Variants in EZH1 observed in about 807,000 individuals in gnomAD.
The protein encoded by EZH1 is histone-lysine N-methyltransferase EZH1.
A neutral mutation model predicts 100.5 loss-of-function variants in EZH1; 33 were observed. The ratio of observed to expected loss-of-function variants is 0.33; its 90% CI spans 0.25 to 0.44. The LOEUF (loss-of-function observed/expected upper bound fraction) is 0.44, where lower values mean the gene tolerates loss of function less well. Ranked by LOEUF, EZH1 falls within the 20% of genes least tolerant of loss-of-function variation. The pLI, the probability that EZH1 is intolerant of heterozygous loss-of-function variation, is 1.00. For synonymous variants in EZH1, 272 were observed against 313.8 expected (o/e 0.87, Z 1.41); for missense variants, 475 against 928.4 (o/e 0.51, Z 6.35).
At chr17:42,712,642 C>G (rs1260402555) in intron 11 of EZH1, among the ~76,000 whole-genome samples, 157 bp from the exon 12 acceptor site, 2 of 152,202 alleles carry the variant, frequency 1.3e-5, no homozygotes, top group East Asian at 3.8e-4. Context: ...GTGGCTCACG[C>G]CTGTAATCCC....
chr17:42,731,947 C>G (rs1267513193), intron 1 of EZH1: 3 of 151,934 alleles, frequency 2.0e-5, no homozygotes, highest in African/African-American at 7.3e-5. Context: ...CTATGAAGAG[C>G]CAAAATTTGA....
chr17:42,717,424 T>C (rs1407761065), intron 10 of EZH1, among the ~76,000 whole-genome samples: 2 of 152,232 alleles, frequency 1.3e-5, no homozygotes, highest in African/African-American at 4.8e-5. Context: ...TCGCCTAGGC[T>C]CATCCTATTG....
intron 3 of EZH1, among the ~76,000 whole-genome samples, chr17:42,728,175 G>A (rs909857015): frequency 6.9e-5 from 10 of 145,514 alleles, no homozygotes; most frequent in Non-Finnish European, 1.3e-4. Context: ...GTGCAGTGGT[G>A]CCATCTCGGC....
At chr17:42,705,912 A>C in intron 16 of EZH1, 95 bp downstream of exon 16, 1 of 1,259,850 alleles carries the variant, frequency 7.9e-7, no homozygotes, top group Non-Finnish European at 1.1e-6. Flanking sequence ...TCACATATAA[A>C]GCCTCAAAAG....
Position 42,727,734 on chromosome 17 carries a change from A to C in EZH1, c.147T>G (p.Val49=). ...CATTGAGGATCTGGGTTTTTTCTTG[A>C]ACCTTTGCAAAATTTGCCACATACA... ...KALYVANFAK[V]QEKTQILNEE... The change falls in exon 4 of 21, where the codon GTT becomes GTG. Residue 49 remains valine, a synonymous_variant. Coordinates refer to ENST00000428826, the MANE Select transcript of EZH1 (RefSeq NM_001991.5). 1.9e-6 allele frequency: 3 copies of C among 1,605,258 alleles called. No individual in the cohort carries two copies. Among genetic ancestry groups the C allele is most frequent in the Non-Finnish European group, 2.5e-6 (3 of 1,177,188 alleles).
intron 18 of EZH1, among the ~76,000 whole-genome samples, chr17:42,704,215 T>G (rs565985012): frequency 9.2e-5 from 14 of 152,230 alleles, no homozygotes; most frequent in Admixed American, 9.2e-4. Context: ...TGATCTAAAC[T>G]TGGACTACAG....
Position 42,702,296 on chromosome 17 carries a change from C to T in EZH1, c.*236G>A. 2.3e-6 allele frequency: 1 copy of T among 434,664 alleles called. No individual in the cohort carries two copies. Among genetic ancestry groups the T allele is most frequent in the Non-Finnish European group, 4.1e-6 (1 of 243,586 alleles). The allele number at this position is 434,664 out of a possible 1,614,324, so 26.9% of individuals were successfully genotyped here. A position where few individuals can be genotyped will look rare whatever the true frequency, so the allele number is the denominator to read the frequency against. On this transcript the variant is annotated 3_prime_UTR_variant, in exon 21 of 21. Transcript: ENST00000428826. The stretch of plus-strand genomic sequence containing the variant: ...CTTCTTCTGAGGCCAGAGAAACAGT[C>T]TCCCATTTCTGTAACTCTCTGTCCT...
chr17:42,704,205 T>C (rs1365186128), intron 18 of EZH1, among the ~76,000 whole-genome samples: 2 of 152,266 alleles, frequency 1.3e-5, no homozygotes, highest in Middle Eastern at 3.4e-3. Flanking sequence ...GATTCGGAGC[T>C]GATCTAAACT....
intron 12 of EZH1, among the ~76,000 whole-genome samples, chr17:42,711,742 C>A (rs1000516020): frequency 1.3e-5 from 2 of 151,622 alleles, no homozygotes; most frequent in Non-Finnish European, 2.9e-5. Flanking sequence ...GCCCAGGAGG[C>A]GGAGGTTGCA....
intron 10 of EZH1, among the ~76,000 whole-genome samples, chr17:42,717,282 CAT>C (rs1468931509): frequency 8.5e-5 from 13 of 152,198 alleles, no homozygotes; most frequent in Admixed American, 3.3e-4. Context: ...CCATTTTCCA[CAT>C]GTGTGCCCAA....
chr17:42,714,594 G>C (rs1237657641), intron 10 of EZH1: 1 of 326,538 alleles, frequency 3.1e-6, no homozygotes, highest in Non-Finnish European at 6.2e-6. Context: ...GCAAGCAGCA[G>C]AAAATTGTTG....
intron 1 of EZH1, among the ~76,000 whole-genome samples, chr17:42,731,123 CT>C (rs922511756): frequency 6.8e-4 from 98 of 145,012 alleles, no homozygotes; most frequent in South Asian, 6.5e-4. Context: ...TTTCATAATG[CT>C]TTTTTTTTTT....
chr17:42,736,030 T>C (rs866693160), intron 1 of EZH1, among the ~76,000 whole-genome samples: 2 of 151,440 alleles, frequency 1.3e-5, no homozygotes, highest in African/African-American at 2.4e-5. Flanking sequence ...CCAGAAAAGA[T>C]ACAGGAATGG....
intron 6 of EZH1, among the ~76,000 whole-genome samples, chr17:42,721,327 G>T (rs1278839384): frequency 6.6e-6 from 1 of 152,166 alleles, no homozygotes; most frequent in African/African-American, 2.4e-5. Flanking sequence ...TCTTACACAC[G>T]GACAGACTTT....
At position 42,728,879 on chromosome 17, in the gene EZH1, A is replaced by G; in HGVS notation, c.63T>C (p.Ser21=). The G allele has an allele frequency of 6.2e-7, 1 of 1,613,920 alleles. No individual in the cohort carries two copies. Among genetic ancestry groups the G allele is most frequent in the South Asian group, 1.1e-5 (1 of 91,032 alleles). ...CITYWKRKVK[S]EYMRLRQLKR... The stretch of plus-strand genomic sequence containing the variant: ...TAAGTTGTCGAAGTCGCATGTATTC[A>G]GATTTCACTTTTCTTTTCCAGTAAG... Residue 21 remains serine (S), a synonymous_variant, in exon 3 of 21, where the codon TCT becomes TCC. Coordinates refer to ENST00000428826, the MANE Select transcript of EZH1 (RefSeq NM_001991.5).
At chr17:42,738,335 G>A (rs764554901) in intron 1 of EZH1, among the ~76,000 whole-genome samples, 2 of 151,982 alleles carry the variant, frequency 1.3e-5, no homozygotes, top group Non-Finnish European at 2.9e-5. Flanking sequence ...CAGTGTCTTT[G>A]ATAGTTTCTC....
chr17:42,704,750 C>A, intron 17 of EZH1, 67 bp from the exon 18 acceptor site: 1 of 1,257,984 alleles, frequency 7.9e-7, no homozygotes, highest in Non-Finnish European at 1.1e-6. Context: ...TACCCTGCCC[C>A]CAGAAAGGGC....
intron 3 of EZH1, 47 bp from the exon 4 acceptor site, chr17:42,727,810 T>C: frequency 1.5e-6 from 2 of 1,306,442 alleles, no homozygotes. Context: ...ATTTTATTAA[T>C]TAATTAATAA....
chr17:42,705,265 G>A, intron 16 of EZH1, 82 bp from the exon 17 acceptor site: 1 of 696,074 alleles, frequency 1.4e-6, no homozygotes, highest in Non-Finnish European at 2.6e-6. Flanking sequence ...TGTGTGGTGG[G>A]GGTGGGGTGG....
Sources: gnomAD v4.1 joint callset for allele counts (sites outside exome capture counted in the v4.1 genomes callset) on GRCh38, gnomAD v4.1.1 for gene constraint, MANE v1.5 for transcripts, NCBI Gene and HGNC (gene_info 2026-07-23, HGNC 2026-07-21) for gene names.